Variants in ANKRD28 observed in about 807,000 individuals in gnomAD.
ANKRD28 encodes the protein serine/threonine-protein phosphatase 6 regulatory ankyrin repeat subunit A.
Under a neutral mutation model 126.5 loss-of-function variants are expected in ANKRD28, and 44 were observed. The observed-to-expected ratio is 0.35, with a 90% confidence interval of 0.27 to 0.45. The LOEUF (loss-of-function observed/expected upper bound fraction) is 0.45. Among genes scored for constraint, ANKRD28 ranks in the 20% least tolerant of loss-of-function variants. The pLI, the probability that ANKRD28 is intolerant of heterozygous loss-of-function variation, is 1.00. For synonymous variants in ANKRD28, 442 were observed against 468.5 expected (o/e 0.94, Z 0.73); for missense variants, 1,110 against 1,316.6 (o/e 0.84, Z 2.43).
At chr3:15,834,262 T>TCATTCTTCTA (rs1484585549) in intron 1 of ANKRD28, among the ~76,000 whole-genome samples, 1 of 152,194 alleles carries the variant, frequency 6.6e-6, no homozygotes, top group African/African-American at 2.4e-5. Flanking sequence ...GGGTCCAGTT[T>TCATTCTTCTA]CATTCTTCTA....
intron 12 of ANKRD28, among the ~76,000 whole-genome samples, chr3:15,710,999 TTC>T (rs144820494): frequency 3.3e-5 from 5 of 150,990 alleles, no homozygotes; most frequent in Non-Finnish European, 4.4e-5. Flanking sequence ...TGTAGGTTTA[TTC>T]TCTCTCTCTC....
chr3:15,707,865 A>G, intron 14 of ANKRD28, 59 bp downstream of exon 14: 1 of 1,564,884 alleles, frequency 6.4e-7, no homozygotes. Context: ...AAACATCCAT[A>G]TGGAAGATGC....
intron 2 of ANKRD28, among the ~76,000 whole-genome samples, chr3:15,777,717 G>A (rs900598921): frequency 6.6e-6 from 1 of 152,060 alleles, no homozygotes; most frequent in Non-Finnish European, 1.5e-5. Context: ...CCCGAAATAT[G>A]GAGAATGGTA....
chr3:15,754,524 T>A, intron 3 of ANKRD28, among the ~76,000 whole-genome samples: 1 of 152,180 alleles, frequency 6.6e-6, no homozygotes, highest in East Asian at 1.9e-4. Flanking sequence ...TGCTAAGATC[T>A]ACAGTAAGAA....
In ANKRD28 at chr3:15,814,733, A is replaced by C. The variant is rs972649177; in HGVS notation, c.28-19427T>G. ...ATTATTTACCCATGGGGACGTGTTGATTTAAGAAACTGCCTATGAAAAGTT... is the reference window on the plus strand; with the variant it reads ...ATTATTTACCCATGGGGACGTGTTGCTTTAAGAAACTGCCTATGAAAAGTT... On this transcript the variant is annotated intron_variant, in intron 1 of 27. Transcript: ENST00000399451. The surrounding 1 kb of genome is among the most constrained non-coding windows in gnomAD (Gnocchi z 4.7). 7.9e-5 allele frequency among the ~76,000 whole-genome samples: 12 copies of C among 152,044 alleles called. No homozygotes were observed. Among genetic ancestry groups the C allele is most frequent in the Non-Finnish European group, 1.5e-4 (10 of 67,972 alleles).
chr3:15,859,164 C>T (rs1445332559), intron 1 of ANKRD28, among the ~76,000 whole-genome samples: 1 of 152,228 alleles, frequency 6.6e-6, no homozygotes, highest in South Asian at 2.1e-4. Context: ...AGACCCCCGT[C>T]GGCACGTGGG....
At chr3:15,785,607 C>T (rs1298977970) in intron 2 of ANKRD28, among the ~76,000 whole-genome samples, 1 of 152,034 alleles carries the variant, frequency 6.6e-6, no homozygotes, top group Non-Finnish European at 1.5e-5. Flanking sequence ...CTCATTTATA[C>T]CTGCTATGAG....
chr3:15,813,502 T>A (rs1459764546), intron 1 of ANKRD28, among the ~76,000 whole-genome samples: 1 of 152,198 alleles, frequency 6.6e-6, no homozygotes, highest in Non-Finnish European at 1.5e-5. Flanking sequence ...GGTATTACTG[T>A]TTGGGATCAT....
chr3:15,686,296 A>G lies in ANKRD28; in HGVS notation c.1977T>C (p.His659=). 1 of 1,582,240 alleles carries G rather than the reference A, an allele frequency of 6.3e-7. No individual in the cohort carries two copies. The highest frequency in any genetic ancestry group is 1.2e-5 in the South Asian group (1 of 86,804). The part of the protein sequence containing the change: ...TPIHAAATNG[H]SECLRLLIGN... ...CTATTAATAGCCGTAAGCATTCTGAATGACCATTTGTTGCTGTAAAGTGAA... is the reference window on the plus strand; with the variant it reads ...CTATTAATAGCCGTAAGCATTCTGAGTGACCATTTGTTGCTGTAAAGTGAA... The change falls in exon 19 of 28, where the codon CAT becomes CAC. Residue 659 remains histidine (H), a synonymous_variant. Coordinates refer to ENST00000683139, the MANE Select transcript of ANKRD28 (RefSeq NM_001349278.2).
At chr3:15,836,686 A>C (rs1268716453) in intron 1 of ANKRD28, among the ~76,000 whole-genome samples, 1 of 152,242 alleles carries the variant, frequency 6.6e-6, no homozygotes, top group Non-Finnish European at 1.5e-5. Flanking sequence ...TGTACCTGAC[A>C]AAACAGACTT....
At chr3:15,759,057 C>T (rs369190102) in intron 3 of ANKRD28, among the ~76,000 whole-genome samples, 3 of 152,132 alleles carry the variant, frequency 2.0e-5, no homozygotes, top group East Asian at 3.9e-4. Context: ...AATATCTATA[C>T]CTCAGTGGCC....
chr3:15,805,376 C>T (rs1416709265), intron 1 of ANKRD28, among the ~76,000 whole-genome samples: 2 of 152,046 alleles, frequency 1.3e-5, no homozygotes, highest in Admixed American at 1.3e-4. Context: ...GAAAAGGACT[C>T]ATCATTTTAG....
chr3:15,719,985 T>C (rs978825925), intron 8 of ANKRD28, among the ~76,000 whole-genome samples: 1 of 152,068 alleles, frequency 6.6e-6, no homozygotes, highest in Admixed American at 6.6e-5. Flanking sequence ...TCCTCCCACT[T>C]CAACCTCCCA....
In ANKRD28 at chr3:15,846,177, C is replaced by T. The variant is rs148074160; in HGVS notation, c.27+13200G>A. On this transcript the variant is annotated intron_variant, in intron 1 of 27. Coordinates refer to the ANKRD28 transcript ENST00000399451. This position sits in a 1 kb window ranked among gnomAD's most constrained non-coding sequence, Gnocchi z 5.4. The stretch of plus-strand genomic sequence containing the variant: ...CTGAGACAAGGCAAGTCTCTTCCAT[C>T]TACGAGTCTGTAAAATAAAAAACAA... Among the ~76,000 whole-genome samples, 19 of 152,198 alleles carry T rather than the reference C, an allele frequency of 1.2e-4. No individual in the cohort carries two copies. Among genetic ancestry groups the T allele is most frequent in the African/African-American group, 4.3e-4 (18 of 41,520 alleles).
intron 17 of ANKRD28, among the ~76,000 whole-genome samples, chr3:15,691,330 G>A (rs2068770498): frequency 1.3e-5 from 2 of 151,950 alleles, no homozygotes; most frequent in South Asian, 2.1e-4. Flanking sequence ...TCACCATGTT[G>A]GCCAGGATGG....
intron 2 of ANKRD28, among the ~76,000 whole-genome samples, chr3:15,777,849 TACACACACACAC>T (rs569761948): frequency 0.075 from 7,949 of 106,164 alleles, 574 homozygotes; most frequent in East Asian, 0.22. Flanking sequence ...AAAACCAAAC[TACACACACACAC>T]ACACACACAC....
intron 2 of ANKRD28, among the ~76,000 whole-genome samples, chr3:15,770,568 G>A (rs140474286): frequency 7.9e-4 from 120 of 152,230 alleles, no homozygotes; most frequent in African/African-American, 2.8e-3. Flanking sequence ...TGGCTAGGTC[G>A]TAAGAACAAT....
At chr3:15,677,346 T>G in intron 25 of ANKRD28, 134 bp downstream of exon 25, 1 of 667,296 alleles carries the variant, frequency 1.5e-6, no homozygotes, top group Non-Finnish European at 2.5e-6. Flanking sequence ...TAAGTCAATT[T>G]TGTTCAAGAA....
chr3:15,681,917 G>A (rs1190726710), intron 21 of ANKRD28, among the ~76,000 whole-genome samples: 1 of 152,098 alleles, frequency 6.6e-6, no homozygotes, highest in Non-Finnish European at 1.5e-5. Flanking sequence ...GGCCCAAAAC[G>A]TCATAGTGCT....
Sources: allele counts gnomAD v4.1 joint callset (sites outside exome capture counted in the v4.1 genomes callset), GRCh38; gene constraint gnomAD v4.1.1; non-coding constraint Gnocchi (gnomAD v3.1); transcripts MANE v1.5; gene names NCBI Gene and HGNC (gene_info 2026-07-23, HGNC 2026-07-21).